PCDHA1: variants seen among roughly 807,000 people sequenced by gnomAD.
The protein encoded by PCDHA1 is protocadherin alpha-1.
In PCDHA1, 42 loss-of-function variants were observed where a neutral mutation model predicts 61.3. The observed-to-expected ratio is 0.69, with a 90% CI of 0.54 to 0.89. The LOEUF (loss-of-function observed/expected upper bound fraction) is 0.89. Ranked by LOEUF, PCDHA1 falls within the 40% of genes least tolerant of loss-of-function variation. PCDHA1 has a pLI of 0.00. For synonymous variants in PCDHA1, 610 were observed against 553.8 expected, an observed-to-expected ratio of 1.10 and a Z score of -1.43; for missense variants, 1,256 against 1,235.3, an observed-to-expected ratio of 1.02 and a Z score of -0.25.
chr5:140,873,497 T>C (rs1236825837), intron 1 of PCDHA1, among the ~76,000 whole-genome samples: 1 of 152,230 alleles, frequency 6.6e-6, no homozygotes, highest in Non-Finnish European at 1.5e-5. Context: ...TGCAAAGTTG[T>C]GTCTTTTATA....
At chr5:140,878,571 A>G (rs531090803) in intron 1 of PCDHA1, among the ~76,000 whole-genome samples, 48 of 152,346 alleles carry the variant, frequency 3.2e-4, no homozygotes, top group African/African-American at 1.1e-3. Context: ...ATCATAGTAT[A>G]CCACTGCCCT....
At chr5:140,954,650 C>G (rs2095069221) in intron 1 of PCDHA1, among the ~76,000 whole-genome samples, 1 of 151,902 alleles carries the variant, frequency 6.6e-6, no homozygotes, top group Non-Finnish European at 1.5e-5. Context: ...TGTTTAAGTT[C>G]CTTGTAGACT....
At chr5:140,973,472 T>C (rs572763440) in intron 1 of PCDHA1, among the ~76,000 whole-genome samples, 3 of 152,220 alleles carry the variant, frequency 2.0e-5, no homozygotes, top group Non-Finnish European at 4.4e-5. Flanking sequence ...AGTTTGCAAA[T>C]TTCATATTGG....
chr5:140,934,915 A>G (rs1324840546), intron 1 of PCDHA1, among the ~76,000 whole-genome samples: 3 of 152,132 alleles, frequency 2.0e-5, no homozygotes, highest in Non-Finnish European at 4.4e-5. Context: ...ATAATTATGG[A>G]TTCACATAAA....
At chr5:140,882,577 C>A (rs370671644) in intron 1 of PCDHA1, 3 of 1,614,238 alleles carry the variant, frequency 1.9e-6, no homozygotes, top group South Asian at 2.2e-5. Flanking sequence ...CGGAGTGCAG[C>A]ATCCACCTGG....
intron 1 of PCDHA1, among the ~76,000 whole-genome samples, chr5:140,973,394 A>C (rs1263015635): frequency 6.6e-6 from 1 of 152,244 alleles, no homozygotes; most frequent in African/African-American, 2.4e-5. Flanking sequence ...CAAAGAAATC[A>C]TATCTATGAG....
At chr5:140,996,755 C>T (rs1335663800) in intron 3 of PCDHA1, among the ~76,000 whole-genome samples, 2 of 152,142 alleles carry the variant, frequency 1.3e-5, no homozygotes, top group Non-Finnish European at 2.9e-5. Context: ...TATATCTGTG[C>T]AGGACTAAAA....
chr5:140,807,821 C>T, intron 1 of PCDHA1: 1 of 1,614,090 alleles, frequency 6.2e-7, no homozygotes, highest in Non-Finnish European at 8.5e-7. Flanking sequence ...TTTTTTAGTG[C>T]TCACAGCCAC....
chr5:140,807,556 G>A, intron 1 of PCDHA1: 2 of 1,614,184 alleles, frequency 1.2e-6, no homozygotes, highest in Non-Finnish European at 1.7e-6. Context: ...ACGTGGAGGT[G>A]AGGGACATTA....
intron 1 of PCDHA1, chr5:140,803,317 T>C: frequency 6.2e-7 from 1 of 1,614,124 alleles, no homozygotes; most frequent in Non-Finnish European, 8.5e-7. Flanking sequence ...ATCTGCGCGG[T>C]GTCCAGTCTG....
At chr5:140,832,679 G>A (rs1212097069) in intron 1 of PCDHA1, among the ~76,000 whole-genome samples, 3 of 152,094 alleles carry the variant, frequency 2.0e-5, no homozygotes, top group Non-Finnish European at 4.4e-5. Context: ...GAGAATCATC[G>A]AATTAACAAG....
intron 1 of PCDHA1, chr5:140,842,813 C>T (rs2150188208): frequency 2.5e-6 from 4 of 1,593,972 alleles, no homozygotes; most frequent in Non-Finnish European, 3.4e-6. Flanking sequence ...TGTGGAGCGG[C>T]GGGTGGGCGA....
intron 1 of PCDHA1, among the ~76,000 whole-genome samples, chr5:140,838,927 A>G (rs2150156100): frequency 6.6e-6 from 1 of 152,088 alleles, no homozygotes; most frequent in African/African-American, 2.4e-5. Context: ...AAATAAAATA[A>G]AATGAAATAA....
intron 1 of PCDHA1, chr5:140,967,010 C>G: frequency 6.2e-7 from 1 of 1,606,340 alleles, no homozygotes. Flanking sequence ...CATCAACCAT[C>G]TGGGTGCGCC....
chr5:140,802,122 G>T lies in PCDHA1; in HGVS notation c.2394+13438G>T, dbSNP rs1554121877. 4 of 1,614,208 alleles carry T rather than the reference G, an allele frequency of 2.5e-6. No homozygotes were observed. The South Asian group carries it at 4.4e-5, about 18-fold the overall frequency. On this transcript the variant is annotated intron_variant, in intron 1 of 3. Transcript: ENST00000504120. Reference sequence around the variant, plus strand: ...ACAAATCAGTGTAAAGGGTAACATAGATTTCGAGGAAAGTAAGTCATATGA... The same window carrying T: ...ACAAATCAGTGTAAAGGGTAACATATATTTCGAGGAAAGTAAGTCATATGA...
intron 1 of PCDHA1, chr5:140,927,658 C>G (rs782350503): frequency 6.2e-7 from 1 of 1,614,094 alleles, no homozygotes; most frequent in East Asian, 2.2e-5. Context: ...ATTCCGAGTT[C>G]AAGCCTTGGA....
At chr5:140,851,722 C>T (rs2042141470) in intron 1 of PCDHA1, 8 of 966,996 alleles carry the variant, frequency 8.3e-6, no homozygotes, top group East Asian at 1.1e-4. Flanking sequence ...TTCGAAACTT[C>T]GAGTTCTTTT....
At chr5:140,923,659 G>A in intron 1 of PCDHA1, among the ~76,000 whole-genome samples, 1 of 152,224 alleles carries the variant, frequency 6.6e-6, no homozygotes, top group East Asian at 1.9e-4. Context: ...CTTATCTTTG[G>A]GATATCGTTC....
chr5:140,884,656 G>T (rs782439139), intron 1 of PCDHA1: 8 of 1,602,178 alleles, frequency 5.0e-6, no homozygotes, highest in Non-Finnish European at 6.8e-6. Flanking sequence ...CAGAATGCTT[G>T]AAAGAGGTAA....
Sources: allele counts gnomAD v4.1 joint callset (sites outside exome capture counted in the v4.1 genomes callset), GRCh38; gene constraint gnomAD v4.1.1; transcripts MANE v1.5; gene names NCBI Gene and HGNC (gene_info 2026-07-23, HGNC 2026-07-21).